The following MAN1C1 variants were observed in gnomAD, a reference collection of about 807,000 sequenced individuals.
MAN1C1 encodes the protein mannosidase alpha class 1C member 1, also known as mannosyl-oligosaccharide 1,2-alpha-mannosidase IC.
Under a neutral mutation model 71.5 loss-of-function variants are expected in MAN1C1, and 49 were observed. The ratio of observed to expected loss-of-function variants is 0.69; its 90% CI spans 0.54 to 0.87. MAN1C1 has a LOEUF of 0.87. Among genes scored for constraint, MAN1C1 ranks in the 40% least tolerant of loss-of-function variants. MAN1C1 has a pLI of 0.00. For synonymous variants in MAN1C1, 352 were observed against 343.7 expected (o/e 1.02, Z -0.27); for missense variants, 743 against 835.0 (o/e 0.89, Z 1.36).
At chr1:25,667,735 C>G (rs1290059211) in intron 1 of MAN1C1, among the ~76,000 whole-genome samples, 3 of 152,182 alleles carry the variant, frequency 2.0e-5, no homozygotes, top group Non-Finnish European at 4.4e-5. Context: ...TTTAGCTCAG[C>G]AGTGTCAAAG....
At chr1:25,620,359 G>C (rs2045188555) in intron 1 of MAN1C1, among the ~76,000 whole-genome samples, 1 of 152,168 alleles carries the variant, frequency 6.6e-6, no homozygotes, top group African/African-American at 2.4e-5. Flanking sequence ...TCTTGAAGAA[G>C]AGAGGGCTGG....
chr1:25,749,186 G>T, intron 3 of MAN1C1, 69 bp from the exon 4 acceptor site: 1 of 1,316,808 alleles, frequency 7.6e-7, no homozygotes, highest in African/African-American at 1.4e-5. Flanking sequence ...AGTGGCCAGG[G>T]TGACCTGTCT....
intron 2 of MAN1C1, among the ~76,000 whole-genome samples, chr1:25,698,157 C>T (rs934390050): frequency 2.0e-5 from 3 of 152,202 alleles, no homozygotes; most frequent in Non-Finnish European, 4.4e-5. Flanking sequence ...TCCCTGGTGC[C>T]ATGGGGTGGC....
chr1:25,654,535 C>T (rs1364842225), intron 1 of MAN1C1, among the ~76,000 whole-genome samples: 2 of 152,132 alleles, frequency 1.3e-5, no homozygotes, highest in African/African-American at 4.8e-5. Context: ...AATAACTGTG[C>T]TTTCTTTATG....
At chr1:25,658,876 C>A (rs1344858812) in intron 1 of MAN1C1, 1 of 152,516 alleles carries the variant, frequency 6.6e-6, no homozygotes, top group Non-Finnish European at 1.5e-5. Flanking sequence ...AAACTTTACA[C>A]ACACACACAA....
At chr1:25,659,897 C>T (rs1488482917) in intron 1 of MAN1C1, among the ~76,000 whole-genome samples, 3 of 152,098 alleles carry the variant, frequency 2.0e-5, no homozygotes, top group Non-Finnish European at 4.4e-5. Context: ...TCTATTTCAC[C>T]TGTTGTATCT....
At chr1:25,750,170 G>C (rs2124346137) in intron 4 of MAN1C1, among the ~76,000 whole-genome samples, 1 of 152,324 alleles carries the variant, frequency 6.6e-6, no homozygotes, top group South Asian at 2.1e-4. Context: ...CTTAGGACAT[G>C]GGATAGGAAG....
rs150638890 is a variant in MAN1C1 at position 25,763,862 on chromosome 1, G to A, written c.1048-12G>A. ...AAGCATGAAGGCTCACCTGGTGTCC[G>A]TCTCTCGGCAGGTCAGGAACATCCG... On this transcript the variant is annotated splice_polypyrimidine_tract_variant and intron_variant, in intron 6 of 11. Transcript: ENST00000374332. The A allele has an allele frequency of 8.7e-5, 141 of 1,612,380 alleles. No homozygotes were observed. In the African/African-American group the frequency reaches 1.5e-3, roughly 17 times the overall value.
At chr1:25,652,449 C>T (rs2045706479) in intron 1 of MAN1C1, among the ~76,000 whole-genome samples, 1 of 152,234 alleles carries the variant, frequency 6.6e-6, no homozygotes, top group Non-Finnish European at 1.5e-5. Context: ...CCAGCTGGCA[C>T]CAGCCCTTCC....
At chr1:25,717,920 C>T (rs951872918) in intron 2 of MAN1C1, among the ~76,000 whole-genome samples, 1 of 151,960 alleles carries the variant, frequency 6.6e-6, no homozygotes, top group African/African-American at 2.4e-5. Context: ...ATTTCCTCAC[C>T]AACACTTGGT....
At chr1:25,706,518 C>T (rs1243037392) in intron 2 of MAN1C1, among the ~76,000 whole-genome samples, 1 of 152,120 alleles carries the variant, frequency 6.6e-6, no homozygotes, top group African/African-American at 2.4e-5. Flanking sequence ...AGACTGGACT[C>T]TGGCGGGGGG....
At chr1:25,783,584 G>T in intron 11 of MAN1C1, 79 bp from the exon 12 acceptor site, 1 of 1,533,020 alleles carries the variant, frequency 6.5e-7, no homozygotes, top group Non-Finnish European at 8.9e-7. Flanking sequence ...AAGGCCCTGA[G>T]ACTTGTTCCC....
At chr1:25,773,921 G>C (rs1348509407) in intron 8 of MAN1C1, among the ~76,000 whole-genome samples, 3 of 152,156 alleles carry the variant, frequency 2.0e-5, no homozygotes, top group Non-Finnish European at 4.4e-5. Context: ...CACCTAGGGA[G>C]CTGCAAAGTC....
At chr1:25,771,856 C>A in intron 8 of MAN1C1, 84 bp downstream of exon 8, 1 of 1,077,302 alleles carries the variant, frequency 9.3e-7, no homozygotes, top group Non-Finnish European at 1.4e-6. Context: ...CTGCGGGCAG[C>A]GGGGCCAGAT....
chr1:25,749,759 C>A (rs1166249952), intron 4 of MAN1C1, among the ~76,000 whole-genome samples: 3 of 152,326 alleles, frequency 2.0e-5, no homozygotes, highest in African/African-American at 7.2e-5. Flanking sequence ...ATCCAGCAGG[C>A]ACCTGGGCTG....
At chr1:25,633,128 G>A (rs541571234) in intron 1 of MAN1C1, among the ~76,000 whole-genome samples, 6 of 152,132 alleles carry the variant, frequency 3.9e-5, no homozygotes. Flanking sequence ...GTCTCCCAAA[G>A]TGCTGGAATT....
intron 2 of MAN1C1, among the ~76,000 whole-genome samples, chr1:25,724,048 A>C (rs923362917): frequency 6.7e-6 from 1 of 149,004 alleles, no homozygotes; most frequent in Non-Finnish European, 1.5e-5. Context: ...TTTTTTTTGA[A>C]ACAGAGTTTT....
chr1:25,685,845 C>T (rs971000326), intron 1 of MAN1C1, among the ~76,000 whole-genome samples: 4 of 152,102 alleles, frequency 2.6e-5, no homozygotes, highest in Admixed American at 2.6e-4. Context: ...CATGGGAGGC[C>T]AGGGCAGGTC....
At chr1:25,676,156 C>G (rs1460218823) in intron 1 of MAN1C1, among the ~76,000 whole-genome samples, 1 of 152,196 alleles carries the variant, frequency 6.6e-6, no homozygotes, top group Non-Finnish European at 1.5e-5. Context: ...CAGCTGCAGA[C>G]AGGATGCGAT....
Sources: allele counts gnomAD v4.1 joint callset (sites outside exome capture counted in the v4.1 genomes callset), GRCh38; gene constraint gnomAD v4.1.1; transcripts MANE v1.5; gene names NCBI Gene and HGNC (gene_info 2026-07-23, HGNC 2026-07-21).